Variants in HPR observed in about 807,000 individuals in gnomAD.
HPR encodes haptoglobin-related protein.
HPR carries 17 observed loss-of-function variants against 18.5 expected under a neutral mutation model. The observed-to-expected ratio is 0.92, with a 90% CI of 0.63 to 1.38. The LOEUF (loss-of-function observed/expected upper bound fraction) is 1.38. Ranked by LOEUF, HPR falls within the 40% of genes most tolerant of loss-of-function variation. HPR has a pLI of 0.00. For synonymous variants in HPR, 176 were observed against 165.0 expected (o/e 1.07, Z -0.51); for missense variants, 457 against 432.4 (o/e 1.06, Z -0.51).
At chr16:72,068,714 C>G (rs556639113) in intron 1 of HPR, among the ~76,000 whole-genome samples, 329 of 152,192 alleles carry the variant, frequency 2.2e-3, no homozygotes, top group African/African-American at 7.5e-3. Flanking sequence ...TGCATCCAAT[C>G]CATTGCAGCT....
At chr16:72,066,713 G>A (rs141159301) in intron 1 of HPR, among the ~76,000 whole-genome samples, 25 of 152,162 alleles carry the variant, frequency 1.6e-4, no homozygotes, top group Non-Finnish European at 1.5e-5. Context: ...GTCACTAAAG[G>A]CTGGCCAGAT....
intron 1 of HPR, among the ~76,000 whole-genome samples, chr16:72,068,305 G>A (rs1030136873): frequency 3.3e-5 from 5 of 152,150 alleles, no homozygotes; most frequent in African/African-American, 1.2e-4. Context: ...GCGGGCAAGC[G>A]AAGGATAGGG....
Position 72,073,983 on chromosome 16 carries a change from T to G in HPR, c.91+6T>G. 6.2e-7 allele frequency: 1 copy of G among 1,613,988 alleles called. No homozygotes were observed. The highest frequency in any genetic ancestry group is 8.5e-7 in the Non-Finnish European group (1 of 1,179,982). On this transcript the variant is annotated splice_donor_region_variant and intron_variant, in intron 2 of 4. Coordinates refer to ENST00000540303, the MANE Select transcript of HPR (RefSeq NM_020995.4). ...TGATGTCACGGATATTTCAGGTCAGTCTTTGAGTTGGGTAGGAGCATGCAT... is the reference window on the plus strand; with the variant it reads ...TGATGTCACGGATATTTCAGGTCAGGCTTTGAGTTGGGTAGGAGCATGCAT...
At chr16:72,064,634 C>T (rs1422269774) in intron 1 of HPR, among the ~76,000 whole-genome samples, 1 of 152,218 alleles carries the variant, frequency 6.6e-6, no homozygotes, top group Non-Finnish European at 1.5e-5. Context: ...AAAACCTCTG[C>T]TTTCCTTTGT....
intron 1 of HPR, among the ~76,000 whole-genome samples, chr16:72,070,538 G>A (rs143437413): frequency 3.9e-5 from 6 of 152,304 alleles, no homozygotes; most frequent in South Asian, 2.1e-4. Flanking sequence ...TCAAAAAGGC[G>A]CTGCCACCTC....
Position 72,068,347 on chromosome 16 carries a change from C to G in HPR, c.5+5087C>G, listed in dbSNP as rs2041619377. Among the ~76,000 whole-genome samples the G allele has an allele frequency of 4.6e-5, 7 of 152,200 alleles. No individual in the cohort carries two copies. In the South Asian group the frequency reaches 1.5e-3, roughly 32 times the overall value. On this transcript the variant is annotated intron_variant, in intron 1 of 4. Transcript: ENST00000540303. ...TGGGTCGAAGGAATCGTGTCCTTAC[C>G]CTTGCCTCAGACTAAACAGGAACTC...
chr16:72,074,521 G>A (rs760985621), intron 3 of HPR, 136 bp downstream of exon 3: 15 of 846,576 alleles, frequency 1.8e-5, no homozygotes, highest in East Asian at 7.7e-5. Context: ...TCTGATAAGC[G>A]TTTTGTCGCC....
At chr16:72,065,778 G>A (rs1304524447) in intron 1 of HPR, among the ~76,000 whole-genome samples, 1 of 152,138 alleles carries the variant, frequency 6.6e-6, no homozygotes, top group Non-Finnish European at 1.5e-5. Flanking sequence ...TTCCCTTAAA[G>A]ACAACTAGGG....
rs1049933 is a variant in HPR, at chr16:72,076,501, C to T, written c.467C>T (p.Ala156Val). Residue 156 changes from alanine to valine, a missense_variant, in exon 5 of 5, where the codon GCG becomes GTG. Physicochemically the swap from Ala to Val is moderately conservative, Grantham distance 64. Transcript: ENST00000540303. The part of the protein sequence containing the change: ...LFLNHSENAT[A>V]KDIAPTLTLY... Reference sequence around the variant, plus strand: ...CTGAACCATTCAGAAAATGCAACAGCGAAAGACATTGCCCCTACTTTAACA... The same window carrying T: ...CTGAACCATTCAGAAAATGCAACAGTGAAAGACATTGCCCCTACTTTAACA... The T allele has an allele frequency of 6.3e-3, 10,156 of 1,613,332 alleles. No individual in the cohort carries two copies. In the African/African-American group the frequency reaches 0.12, roughly 19 times the overall value.
At chr16:72,071,876 T>C (rs1239096244) in intron 1 of HPR, among the ~76,000 whole-genome samples, 1 of 152,216 alleles carries the variant, frequency 6.6e-6, no homozygotes, top group Non-Finnish European at 1.5e-5. Context: ...TAGATTCCAC[T>C]GGAGTCCAAC....
intron 2 of HPR, 42 bp downstream of exon 2, chr16:72,074,019 G>A (rs1393356798): frequency 1.9e-6 from 3 of 1,612,002 alleles, no homozygotes; most frequent in Non-Finnish European, 8.5e-7. Context: ...CCCTGGCACT[G>A]CCACATCCCA....
At position 72,076,637 on chromosome 16, in the gene HPR, T is replaced by C. The variant is rs750952257; in HGVS notation, c.603T>C (p.Asn201=). 1 of 1,613,968 alleles carries C rather than the reference T, an allele frequency of 6.2e-7. No homozygotes were observed. The highest frequency in any genetic ancestry group is 2.2e-5 in the East Asian group (1 of 44,884). Residue 201 remains asparagine (N), a synonymous_variant, in exon 5 of 5, where the codon AAT becomes AAC. Transcript: ENST00000540303. ...LIKLKQKVLV[N]ERVMPICLPS... is the part of the protein sequence containing the mutation. ...AACTCAAACAGAAGGTGCTTGTTAA[T>C]GAGAGAGTGATGCCCATCTGCCTAC...
intron 4 of HPR, among the ~76,000 whole-genome samples, chr16:72,075,954 C>G (rs545682089): frequency 1.3e-5 from 2 of 151,680 alleles, no homozygotes; most frequent in African/African-American, 4.8e-5. Context: ...GGATTACAGG[C>G]GTGAGCCACC....
intron 1 of HPR, among the ~76,000 whole-genome samples, chr16:72,067,051 G>T (rs549891257): frequency 1.3e-5 from 2 of 152,136 alleles, no homozygotes; most frequent in Non-Finnish European, 2.9e-5. Context: ...AACTGAGAGA[G>T]GGGAAGGACA....
At chr16:72,075,623 T>G (rs1340713012) in intron 4 of HPR, among the ~76,000 whole-genome samples, 2 of 152,326 alleles carry the variant, frequency 1.3e-5, no homozygotes, top group East Asian at 3.9e-4. Context: ...TTCTCGTTAT[T>G]AGGAGGAACT....
At chr16:72,074,555 A>G in intron 3 of HPR, 170 bp downstream of exon 3, 2 of 745,064 alleles carry the variant, frequency 2.7e-6, no homozygotes, top group Non-Finnish European at 4.9e-6. Context: ...CTTTGGGCAG[A>G]CTAACTTTTG....
chr16:72,068,748 T>C (rs971651415), intron 1 of HPR, among the ~76,000 whole-genome samples: 1 of 151,798 alleles, frequency 6.6e-6, no homozygotes, highest in African/African-American at 2.4e-5. Flanking sequence ...TTGAAGAGAG[T>C]AGAAAATTAA....
At position 72,076,394 on chromosome 16, in the gene HPR, G is replaced by C; in HGVS notation, c.360G>C (p.Lys120Asn). The C allele has an allele frequency of 6.2e-7, 1 of 1,614,182 alleles. No individual in the cohort carries two copies. Among genetic ancestry groups the C allele is most frequent in the South Asian group, 1.1e-5 (1 of 91,076 alleles). The part of the protein sequence containing the change: ...DAKGSFPWQA[K>N]MVSHHNLTTG... Reference sequence around the variant, plus strand: ...AAGGCAGCTTTCCCTGGCAGGCTAAGATGGTTTCCCACCATAATCTCACCA... The same window carrying C: ...AAGGCAGCTTTCCCTGGCAGGCTAACATGGTTTCCCACCATAATCTCACCA... The change falls in exon 5 of 5, where the codon AAG becomes AAC. Residue 120 changes from lysine to asparagine, a missense_variant. Physicochemically the swap from Lys to Asn is moderately conservative, Grantham distance 94. Transcript: ENST00000540303.
At chr16:72,075,084 C>T (rs2041703836) in intron 3 of HPR, 61 bp from the exon 4 acceptor site, 1 of 708,506 alleles carries the variant, frequency 1.4e-6, no homozygotes, top group South Asian at 1.6e-5. Flanking sequence ...AATGCCTTCT[C>T]ACTCTGCTCT....
Sources: allele counts gnomAD v4.1 joint callset (sites outside exome capture counted in the v4.1 genomes callset), GRCh38; gene constraint gnomAD v4.1.1; transcripts MANE v1.5; gene names NCBI Gene and HGNC (gene_info 2026-07-23, HGNC 2026-07-21).